RPS25: variants seen among roughly 807,000 people sequenced by gnomAD.
The protein encoded by RPS25 is ribosomal protein S25.
A neutral mutation model predicts 14.4 loss-of-function variants in RPS25; 1 was observed. The observed-to-expected ratio is 0.07, with a 90% CI of 0.02 to 0.33. The LOEUF is 0.33. RPS25 is among the 10% of genes least tolerant of loss of function. The pLI, the probability that RPS25 is intolerant of heterozygous loss-of-function variation, is 1.00. For missense variants in RPS25, 65 were observed against 144.6 expected (o/e 0.45, Z 2.82); for synonymous variants, 63 against 53.8 (o/e 1.17, Z -0.75).
chr11:119,016,642 C>G (rs531241848), intron 3 of RPS25, among the ~76,000 whole-genome samples: 7 of 151,490 alleles, frequency 4.6e-5, no homozygotes, highest in East Asian at 2.0e-4. Context: ...CCACCCCCCC[C>G]CCCTTTCTGA....
At position 119,017,996 on chromosome 11, in the gene RPS25, C is replaced by A; in HGVS notation, c.61G>T (p.Asp21Tyr). 6.2e-7 allele frequency: 1 copy of A among 1,612,394 alleles called. No homozygotes were observed. Reference sequence around the variant, plus strand: ...TTGCCCCCGGATTTGTTCACTGGGTCTTTGTCTTTCTTGGCCGACTTTCCA... The same window carrying A: ...TTGCCCCCGGATTTGTTCACTGGGTATTTGTCTTTCTTGGCCGACTTTCCA... ...DAGKSAKKDKDPVNKSGGKAK... is the reference protein window; with the variant it reads ...DAGKSAKKDKYPVNKSGGKAK... Residue 21 changes from aspartate to tyrosine, a missense_variant, in exon 2 of 5, where the codon GAC becomes TAC. By Grantham distance (160) the Asp-to-Tyr change is radical. Transcript: ENST00000527673.
chr11:119,018,221 G>C (rs565096683), intron 1 of RPS25, 61 bp downstream of exon 1: 278 of 1,612,410 alleles, frequency 1.7e-4, no homozygotes, highest in Non-Finnish European at 1.2e-4. Context: ...CCCGCCGAAG[G>C]CTCTCCCCAC....
intron 3 of RPS25, among the ~76,000 whole-genome samples, chr11:119,016,666 T>G (rs528934753): frequency 7.1e-6 from 1 of 141,140 alleles, no homozygotes; most frequent in Non-Finnish European, 1.5e-5. Flanking sequence ...AGTCTTTTGC[T>G]GTCACTAAGG....
Position 119,015,762 on chromosome 11 carries a change from TAAA to T in RPS25, c.*5-7_*5-5del. Reference sequence around the variant, plus strand: ...CCAAATGTACAGCTGGTTGGACCTGTAAAAAAAAATTAAAAGAATCAGAACCAT... The same window carrying T: ...CCAAATGTACAGCTGGTTGGACCTGTAAAAAATTAAAAGAATCAGAACCAT... On this transcript the variant is annotated splice_polypyrimidine_tract_variant and splice_region_variant and intron_variant, in intron 4 of 4. Coordinates refer to ENST00000527673, the MANE Select transcript of RPS25 (RefSeq NM_001028.3). The T allele has an allele frequency of 1.6e-6, 2 of 1,265,530 alleles. No individual in the cohort carries two copies. Among genetic ancestry groups the T allele is most frequent in the Non-Finnish European group, 2.3e-6 (2 of 881,752 alleles). 78.4% of individuals were successfully genotyped at this position (1,265,530 alleles called of 1,614,324 possible). A position where few individuals can be genotyped will look rare whatever the true frequency, so the allele number is the denominator to read the frequency against.
Position 119,018,301 on chromosome 11 carries a change from T to G in RPS25, c.-17A>C, listed in dbSNP as rs782776764. 3 of 1,614,106 alleles carry G rather than the reference T, an allele frequency of 1.9e-6. No individual in the cohort carries two copies. The highest frequency in any genetic ancestry group is 1.7e-5 in the Admixed American group (1 of 60,000). On this transcript the variant is annotated 5_prime_UTR_variant, in exon 1 of 5. Transcript: ENST00000527673. ...GCTTACCATTGCGAAGCTCGGAGAATAGCAGCAGACACCGCAGCCTCGTCA... is the reference window on the plus strand; with the variant it reads ...GCTTACCATTGCGAAGCTCGGAGAAGAGCAGCAGACACCGCAGCCTCGTCA...
At chr11:119,017,127 A>G (rs1293141378) in intron 3 of RPS25, among the ~76,000 whole-genome samples, 1 of 152,226 alleles carries the variant, frequency 6.6e-6, no homozygotes, top group Non-Finnish European at 1.5e-5. Context: ...CGAAACATAA[A>G]AGATCCTTGG....
intron 2 of RPS25, 187 bp downstream of exon 2, chr11:119,017,771 C>A: frequency 1.5e-6 from 1 of 660,426 alleles, no homozygotes; most frequent in Admixed American, 2.9e-5. Context: ...GCGGCAGACA[C>A]TTCGCACAAC....
At chr11:119,017,762 C>T in intron 2 of RPS25, 196 bp downstream of exon 2, 1 of 660,566 alleles carries the variant, frequency 1.5e-6, no homozygotes, top group Non-Finnish European at 2.6e-6. Flanking sequence ...GCAGGCACAG[C>T]GGCAGACACT....
chr11:119,017,676 A>C, intron 2 of RPS25, 131 bp from the exon 3 acceptor site: 3 of 885,548 alleles, frequency 3.4e-6, no homozygotes, highest in South Asian at 1.9e-5. Flanking sequence ...TAAAACAAAA[A>C]CAAAAAAAAA....
chr11:119,017,587 C>T, intron 2 of RPS25, 42 bp from the exon 3 acceptor site: 2 of 1,546,574 alleles, frequency 1.3e-6, no homozygotes, highest in Non-Finnish European at 1.8e-6. Flanking sequence ...GTATTTCTGG[C>T]AGAAGCACCC....
chr11:119,017,779 AAC>A lies in RPS25; in HGVS notation c.99+177_99+178del. ...AGGCACAGCGGCAGACACTTCGCACAACAGACCCATTTTCATGATCCTAATGG... is the reference window on the plus strand; with the variant it reads ...AGGCACAGCGGCAGACACTTCGCACAAGACCCATTTTCATGATCCTAATGG... On this transcript the variant is annotated intron_variant, in intron 2 of 4. Transcript: ENST00000527673. The A allele has an allele frequency of 7.5e-6, 5 of 668,564 alleles. No homozygotes were observed. In the South Asian group the frequency reaches 9.6e-5, roughly 13 times the overall value. 41.4% of individuals were successfully genotyped at this position (668,564 alleles called of 1,614,324 possible).
At chr11:119,017,312 G>C (rs1943187119) in intron 3 of RPS25, 50 bp downstream of exon 3, 13 of 1,389,996 alleles carry the variant, frequency 9.4e-6, no homozygotes, top group Non-Finnish European at 1.3e-5. Flanking sequence ...GCTTAACATG[G>C]TCAAGACAAT....
At chr11:119,015,986 T>G (rs781882172) in intron 3 of RPS25, 47 bp from the exon 4 acceptor site, 1 of 1,197,674 alleles carries the variant, frequency 8.3e-7, no homozygotes, top group Non-Finnish European at 1.2e-6. Context: ...GATGCTACAA[T>G]AGAAACTAGT....
Position 119,017,753 on chromosome 11 carries a change from C to G in RPS25, c.99+205G>C, listed in dbSNP as rs555088272. 91 of 662,624 alleles carry G rather than the reference C, an allele frequency of 1.4e-4. 1 individual carries two copies. The South Asian group carries it at 1.7e-3, about 13-fold the overall frequency. The allele number at this position is 662,624 out of a possible 1,614,324, so 41.0% of individuals were successfully genotyped here. A position where few individuals can be genotyped will look rare whatever the true frequency, so the allele number is the denominator to read the frequency against. On this transcript the variant is annotated intron_variant, in intron 2 of 4. Coordinates refer to ENST00000527673, the MANE Select transcript of RPS25 (RefSeq NM_001028.3). ...ACTAGATCAGTTAAAAATAACACAGCAGGCACAGCGGCAGACACTTCGCAC... is the reference window on the plus strand; with the variant it reads ...ACTAGATCAGTTAAAAATAACACAGGAGGCACAGCGGCAGACACTTCGCAC...
intron 3 of RPS25, 101 bp downstream of exon 3, chr11:119,017,258 CTTT>C: frequency 1.4e-6 from 1 of 701,036 alleles, no homozygotes. Context: ...TCAAGCCACG[CTTT>C]TTTTTTTTAA....
intron 3 of RPS25, among the ~76,000 whole-genome samples, chr11:119,016,700 G>A (rs1053408532): frequency 3.4e-5 from 5 of 149,030 alleles, no homozygotes; most frequent in African/African-American, 1.2e-4. Flanking sequence ...GTGTCATCTC[G>A]GCTCACTGCC....
In RPS25 at chr11:119,018,314, C is replaced by G. The variant is rs782497931; in HGVS notation, c.-30G>C. ...AAGCTCGGAGAATAGCAGCAGACAC[C>G]GCAGCCTCGTCAAGATGTCGGACAA... On this transcript the variant is annotated 5_prime_UTR_variant, in exon 1 of 5. Transcript: ENST00000527673. The G allele has an allele frequency of 1.2e-6, 2 of 1,614,132 alleles. No homozygotes were observed. The highest frequency in any genetic ancestry group is 1.7e-6 in the Non-Finnish European group (2 of 1,180,028).
chr11:119,018,326 A>T lies in RPS25; in HGVS notation c.-42T>A. On this transcript the variant is annotated 5_prime_UTR_variant, in exon 1 of 5. Coordinates refer to ENST00000527673, the MANE Select transcript of RPS25 (RefSeq NM_001028.3). ...TAGCAGCAGACACCGCAGCCTCGTC[A>T]AGATGTCGGACAAAAAGGAAGCGCT... is the stretch of plus-strand genomic sequence containing the variant. 2 of 1,614,034 alleles carry T rather than the reference A, an allele frequency of 1.2e-6. No homozygotes were observed. Among genetic ancestry groups the T allele is most frequent in the Non-Finnish European group, 1.7e-6 (2 of 1,179,990 alleles).
intron 2 of RPS25, 189 bp downstream of exon 2, chr11:119,017,769 C>T (rs1943198799): frequency 1.5e-6 from 1 of 662,260 alleles, no homozygotes; most frequent in African/African-American, 1.8e-5. Flanking sequence ...CAGCGGCAGA[C>T]ACTTCGCACA....
Sources: allele counts gnomAD v4.1 joint callset (sites outside exome capture counted in the v4.1 genomes callset), GRCh38; gene constraint gnomAD v4.1.1; transcripts MANE v1.5; gene names NCBI Gene and HGNC (gene_info 2026-07-23, HGNC 2026-07-21).